Variants in ADAMTS5 observed in about 807,000 individuals in gnomAD.
The protein encoded by ADAMTS5 is A disintegrin and metalloproteinase with thrombospondin motifs 5.
In ADAMTS5, 54 loss-of-function variants were observed where a neutral mutation model predicts 81.4. The ratio of observed to expected loss-of-function variants is 0.66; its 90% CI spans 0.53 to 0.83. The LOEUF (loss-of-function observed/expected upper bound fraction) is 0.83. Among genes scored for constraint, ADAMTS5 ranks in the 40% least tolerant of loss-of-function variants. The pLI is 0.00. For missense variants in ADAMTS5, 1,194 were observed against 1,229.9 expected (o/e 0.97, Z 0.44); for synonymous variants, 532 against 508.8 (o/e 1.05, Z -0.61).
intron 2 of ADAMTS5, among the ~76,000 whole-genome samples, chr21:26,952,727 G>T (rs1987345332): frequency 6.6e-6 from 1 of 152,202 alleles, no homozygotes; most frequent in South Asian, 2.1e-4. Flanking sequence ...CAGCTCTGCT[G>T]CTTATTCCCC....
intron 2 of ADAMTS5, among the ~76,000 whole-genome samples, chr21:26,949,199 GGAGAGAGA>G (rs71183587): frequency 1.0e-4 from 14 of 138,576 alleles, no homozygotes; most frequent in African/African-American, 1.3e-4. Context: ...ATATATATAT[GGAGAGAGA>G]GAGAGAGAGA....
At chr21:26,938,621 C>T (rs1987059493) in intron 3 of ADAMTS5, among the ~76,000 whole-genome samples, 1 of 152,188 alleles carries the variant, frequency 6.6e-6, no homozygotes, top group Non-Finnish European at 1.5e-5. Flanking sequence ...CCTCCATCTC[C>T]CAGATTCAAG....
Position 26,919,468 on chromosome 21 carries a change from A to T in ADAMTS5, c.*4585T>A, listed in dbSNP as rs1376391621. On this transcript the variant is annotated 3_prime_UTR_variant, in exon 8 of 8. Coordinates refer to ENST00000284987, the MANE Select transcript of ADAMTS5 (RefSeq NM_007038.5). Reference sequence around the variant, plus strand: ...AACTGGGCTAACTAATGTGTATGTTAATGTCTTTTTTTTTTCAAAACCAAC... The same window carrying T: ...AACTGGGCTAACTAATGTGTATGTTTATGTCTTTTTTTTTTCAAAACCAAC... 1 of 121,826 alleles carries T rather than the reference A, an allele frequency of 8.2e-6. No individual in the cohort carries two copies. The highest frequency in any genetic ancestry group is 2.7e-5 in the African/African-American group (1 of 36,602). The allele number at this position is 121,826 out of a possible 1,614,324, so 7.5% of individuals were successfully genotyped here. A position where few individuals can be genotyped will look rare whatever the true frequency, so the allele number is the denominator to read the frequency against.
rs1277543523 is a variant in ADAMTS5, at chr21:26,934,580, G to C, written c.1575C>G (p.Gly525=). The C allele has an allele frequency of 1.2e-6, 2 of 1,614,120 alleles. No homozygotes were observed. Among genetic ancestry groups the C allele is most frequent in the Non-Finnish European group, 1.7e-6 (2 of 1,180,030 alleles). ...ARLWCAVVRQ[G]QMVCLTKKLP... is the part of the protein sequence containing the mutation. ...GCTTCTTGGTCAGACAGACCATCTG[G>C]CCCTGGCGTACCACAGCACACCACA... The change falls in exon 4 of 8, where the codon GGC becomes GGG. Residue 525 remains glycine, a synonymous_variant. Transcript: ENST00000284987.
chr21:26,923,020 T>C lies in ADAMTS5; in HGVS notation c.*1033A>G, dbSNP rs229077. 0.58 allele frequency: 88,703 copies of C among 152,040 alleles called. 26,259 individuals carry two copies. The highest frequency in any genetic ancestry group is 0.63 in the Non-Finnish European group (42,970 of 67,872). 9.4% of individuals were successfully genotyped at this position (152,040 alleles called of 1,614,324 possible). A position where few individuals can be genotyped will look rare whatever the true frequency, so the allele number is the denominator to read the frequency against. Reference sequence around the variant, plus strand: ...AACAAAACAAATAAGCAAACACAAATGCATTTTAAAGGCTTGCTGGTAGGA... The same window carrying C: ...AACAAAACAAATAAGCAAACACAAACGCATTTTAAAGGCTTGCTGGTAGGA... On this transcript the variant is annotated 3_prime_UTR_variant, in exon 8 of 8. Coordinates refer to ENST00000284987, the MANE Select transcript of ADAMTS5 (RefSeq NM_007038.5).
At position 26,923,793 on chromosome 21, in the gene ADAMTS5, A is replaced by G. The variant is rs1986746013; in HGVS notation, c.*260T>C. The G allele has an allele frequency of 2.6e-6, 1 of 386,892 alleles. No individual in the cohort carries two copies. Among genetic ancestry groups the G allele is most frequent in the Non-Finnish European group, 4.7e-6 (1 of 213,516 alleles). The allele number at this position is 386,892 out of a possible 1,614,324, so 24.0% of individuals were successfully genotyped here. On this transcript the variant is annotated 3_prime_UTR_variant, in exon 8 of 8. Transcript: ENST00000284987. The stretch of plus-strand genomic sequence containing the variant: ...CCATCTTCAAATGTCCCCTGATTTT[A>G]CATTCATCAGTGTTTCTTGTAAGCC...
chr21:26,966,411 G>A lies in ADAMTS5; in HGVS notation c.-20C>T, dbSNP rs759574917. 24 of 1,421,528 alleles carry A rather than the reference G, an allele frequency of 1.7e-5. No individual in the cohort carries two copies. In the South Asian group the frequency reaches 3.3e-4, roughly 20 times the overall value. The allele number at this position is 1,421,528 out of a possible 1,614,324, so 88.1% of individuals were successfully genotyped here. A position where few individuals can be genotyped will look rare whatever the true frequency, so the allele number is the denominator to read the frequency against. On this transcript the variant is annotated 5_prime_UTR_variant, in exon 1 of 8. Coordinates refer to ENST00000284987, the MANE Select transcript of ADAMTS5 (RefSeq NM_007038.5). The stretch of plus-strand genomic sequence containing the variant: ...CAGCATAGTGCGCTGCCCGCGGGGA[G>A]GGGCTGCGCGACTGGGACTTTATGG...
chr21:26,934,443 T>C, intron 4 of ADAMTS5, 23 bp downstream of exon 4: 1 of 1,612,938 alleles, frequency 6.2e-7, no homozygotes, highest in Non-Finnish European at 8.5e-7. Flanking sequence ...CTCCAGGCAT[T>C]GACTGATGAG....
chr21:26,944,397 C>G (rs1054684526), intron 2 of ADAMTS5, among the ~76,000 whole-genome samples: 16 of 152,136 alleles, frequency 1.1e-4, no homozygotes, highest in African/African-American at 3.9e-4. Context: ...CTCTGAAGTT[C>G]CAGTCAAGCT....
chr21:26,924,654 A>C (rs771777113), intron 7 of ADAMTS5, 34 bp from the exon 8 acceptor site: 3 of 1,526,986 alleles, frequency 2.0e-6, no homozygotes, highest in South Asian at 1.3e-5. Flanking sequence ...AAGTGGGGGA[A>C]GGTGGTTAAA....
chr21:26,963,641 C>CAAAA (rs533760778), intron 1 of ADAMTS5, among the ~76,000 whole-genome samples: 2 of 29,994 alleles, frequency 6.7e-5, no homozygotes, highest in African/African-American at 8.6e-5. Context: ...AGTTGCTTAC[C>CAAAA]AAAAAAAAAA....
At chr21:26,933,206 A>G (rs954627061) in intron 4 of ADAMTS5, among the ~76,000 whole-genome samples, 162 bp from the exon 5 acceptor site, 2 of 152,200 alleles carry the variant, frequency 1.3e-5, no homozygotes, top group African/African-American at 4.8e-5. Context: ...AATGCAACAC[A>G]TTTCCAGTGC....
chr21:26,966,509 T>G lies in ADAMTS5; in HGVS notation c.-118A>C. The G allele has an allele frequency of 3.0e-6, 3 of 993,066 alleles. No individual in the cohort carries two copies. Among genetic ancestry groups the G allele is most frequent in the Non-Finnish European group, 4.0e-6 (3 of 748,674 alleles). 61.5% of individuals were successfully genotyped at this position (993,066 alleles called of 1,614,324 possible). A position where few individuals can be genotyped will look rare whatever the true frequency, so the allele number is the denominator to read the frequency against. On this transcript the variant is annotated 5_prime_UTR_variant, in exon 1 of 8. Coordinates refer to ENST00000284987, the MANE Select transcript of ADAMTS5 (RefSeq NM_007038.5). ...ACACACACTTGCTTGCAGGATTGAG[T>G]CAAGTGTCGGAGGGAGGGGGGCCCG...
Position 26,924,192 on chromosome 21 carries a change from A to G in ADAMTS5, c.2654T>C (p.Leu885Pro). Residue 885 changes from leucine to proline, a missense_variant, in exon 8 of 8, where the codon CTC (leucine) becomes CCC (proline). Physicochemically the swap from Leu to Pro is moderately conservative, Grantham distance 98 (BLOSUM62 -3). Transcript: ENST00000284987. ...SQPQWVTGPW[L>P]ACSRTCDTGW... is the part of the protein sequence containing the mutation. ...TGTGTCACAGGTCCTAGAGCAGGCGAGCCATGGGCCCGTGACCCACTGCGG... is the reference window on the plus strand; with the variant it reads ...TGTGTCACAGGTCCTAGAGCAGGCGGGCCATGGGCCCGTGACCCACTGCGG... The G allele has an allele frequency of 1.2e-6, 2 of 1,614,204 alleles. No individual in the cohort carries two copies. Among genetic ancestry groups the G allele is most frequent in the Non-Finnish European group, 1.7e-6 (2 of 1,180,028 alleles).
intron 3 of ADAMTS5, among the ~76,000 whole-genome samples, chr21:26,940,490 A>T (rs1987093278): frequency 6.6e-6 from 1 of 152,280 alleles, no homozygotes; most frequent in Non-Finnish European, 1.5e-5. Context: ...TCATGTTTTC[A>T]GGCTATTTAT....
intron 4 of ADAMTS5, 137 bp from the exon 5 acceptor site, chr21:26,933,181 T>C (rs2123174332): frequency 1.1e-6 from 1 of 944,574 alleles, no homozygotes; most frequent in Non-Finnish European, 1.6e-6. Context: ...GAATTTAACA[T>C]GATCATGCTT....
chr21:26,941,609 A>G (rs1987115833), intron 3 of ADAMTS5, among the ~76,000 whole-genome samples: 1 of 152,090 alleles, frequency 6.6e-6, no homozygotes, highest in East Asian at 1.9e-4. Flanking sequence ...GCACAGGGAA[A>G]AAAATTTGGT....
rs1986878655 is a variant in ADAMTS5 at position 26,930,049 on chromosome 21, T to A, written c.2062A>T (p.Thr688Ser). 2.5e-6 allele frequency: 4 copies of A among 1,613,810 alleles called. No homozygotes were observed. The highest frequency in any genetic ancestry group is 3.4e-6 in the Non-Finnish European group (4 of 1,179,808). ...VVFSPKVTDG[T>S]ECRLYSNSVC... is the part of the protein sequence containing the mutation. ...GAATTACTGTACAGCCTACATTCAG[T>A]GCCATCGGTCACCTGAATCATGGCA... is the stretch of plus-strand genomic sequence containing the variant. Residue 688 changes from threonine to serine, a missense_variant, in exon 7 of 8, where the codon ACT becomes TCT. This residue lies in a region of ADAMTS5 where 696 missense variants were observed against 817.6 expected (regional missense o/e 0.85). Transcript: ENST00000284987.
intron 1 of ADAMTS5, among the ~76,000 whole-genome samples, chr21:26,956,453 C>T (rs1004995946): frequency 1.1e-4 from 17 of 152,156 alleles, no homozygotes; most frequent in African/African-American, 4.1e-4. Flanking sequence ...CCATGGGATG[C>T]CAAATTACAG....
Sources: gnomAD v4.1 joint callset for allele counts (sites outside exome capture counted in the v4.1 genomes callset) on GRCh38, gnomAD v4.1.1 for gene constraint, gnomAD v4.1.1 regional missense constraint, MANE v1.5 for transcripts, NCBI Gene and HGNC (gene_info 2026-07-23, HGNC 2026-07-21) for gene names.